The following ATF7IP variants were observed in gnomAD, a reference collection of about 807,000 sequenced individuals.
The protein encoded by ATF7IP is activating transcription factor 7-interacting protein 1.
A neutral mutation model predicts 106.4 loss-of-function variants in ATF7IP; 23 were observed. That is an observed-to-expected ratio of 0.22 (90% CI 0.16 to 0.31). The LOEUF (loss-of-function observed/expected upper bound fraction) is 0.31, where lower values mean the gene tolerates loss of function less well. Among genes scored for constraint, ATF7IP ranks in the 10% least tolerant of loss-of-function variants. The pLI is 1.00. For synonymous variants in ATF7IP, 542 were observed against 539.0 expected, an observed-to-expected ratio of 1.01 and a Z score of -0.08; for missense variants, 1,334 against 1,524.3, an observed-to-expected ratio of 0.88 and a Z score of 2.08.
intron 1 of ATF7IP, among the ~76,000 whole-genome samples, chr12:14,378,691 G>T (rs1186567319): frequency 6.6e-6 from 1 of 152,112 alleles, no homozygotes; most frequent in Non-Finnish European, 1.5e-5. Flanking sequence ...TACTTACACA[G>T]AATTGACTGG....
At chr12:14,494,333 A>ATATGTGTGTGTGTGTGTGTGTGTGTG (rs1234871100) in intron 13 of ATF7IP, among the ~76,000 whole-genome samples, 1 of 86,036 alleles carries the variant, frequency 1.2e-5, no homozygotes, top group African/African-American at 4.5e-5. Context: ...ATATATATAT[A>ATATGTGTGTGTGTGTGTGTGTGTGTG]TGTGTGTGTG....
intron 9 of ATF7IP, among the ~76,000 whole-genome samples, chr12:14,461,743 A>G (rs1943645792): frequency 6.6e-6 from 1 of 152,006 alleles, no homozygotes; most frequent in Non-Finnish European, 1.5e-5. Flanking sequence ...AATCTGCCAA[A>G]CTCTGTGTCT....
intron 1 of ATF7IP, among the ~76,000 whole-genome samples, chr12:14,380,269 T>G (rs1452952389): frequency 6.6e-6 from 1 of 152,158 alleles, no homozygotes. Flanking sequence ...GTATTTTTTT[T>G]GTTTTTGTTT....
At position 14,478,338 on chromosome 12, in the gene ATF7IP, C is replaced by T. The variant is rs776334360; in HGVS notation, c.2963C>T (p.Thr988Ile). The change falls in exon 12 of 15, where the codon ACT (threonine) becomes ATT (isoleucine). Residue 988 changes from threonine (T) to isoleucine (I), a missense_variant. Transcript: ENST00000261168. ...ASQDPKKLNH[T>I]PVSTMSSSQP... is the part of the protein sequence containing the mutation. The stretch of plus-strand genomic sequence containing the variant: ...ACAGACCCCAAAAAACTAAATCACA[C>T]TCCTGTATCAACCATGAGTTCTTCT... The T allele has an allele frequency of 6.2e-7, 1 of 1,613,988 alleles. No individual in the cohort carries two copies. Among genetic ancestry groups the T allele is most frequent in the South Asian group, 1.1e-5 (1 of 91,080 alleles).
intron 8 of ATF7IP, among the ~76,000 whole-genome samples, chr12:14,458,950 ATAT>A (rs891417528): frequency 2.6e-5 from 4 of 152,102 alleles, no homozygotes; most frequent in Admixed American, 2.6e-4. Flanking sequence ...TTATTAATAA[ATAT>A]TATTTTTAAA....
At chr12:14,484,105 T>A (rs1944511752) in intron 13 of ATF7IP, among the ~76,000 whole-genome samples, 1 of 152,128 alleles carries the variant, frequency 6.6e-6, no homozygotes, top group South Asian at 2.1e-4. Flanking sequence ...AGCTAGCTGA[T>A]CACCCCGAGG....
At chr12:14,491,534 G>A (rs538739676) in intron 13 of ATF7IP, among the ~76,000 whole-genome samples, 35 of 152,278 alleles carry the variant, frequency 2.3e-4, no homozygotes, top group African/African-American at 7.9e-4. Flanking sequence ...TCAGAATAAT[G>A]TCATCAACGT....
chr12:14,486,474 G>A (rs1944618160), intron 13 of ATF7IP, among the ~76,000 whole-genome samples: 1 of 152,128 alleles, frequency 6.6e-6, no homozygotes, highest in African/African-American at 2.4e-5. Context: ...TCATTCAAGG[G>A]GTTCTTGGTC....
In ATF7IP at chr12:14,425,446, A is replaced by T. The variant is rs763253197; in HGVS notation, c.1531A>T (p.Ile511Leu). ...ISGEKDESEV[I>L]SQNETCSPAE... The stretch of plus-strand genomic sequence containing the variant: ...GGGTGAAAAAGATGAGTCTGAAGTT[A>T]TATCGCAAAATGAAACGTGCTCTCC... Residue 511 changes from isoleucine (I) to leucine (L), a missense_variant, in exon 2 of 15, where the codon ATA (isoleucine) becomes TTA (leucine). Ile to Leu is a conservative substitution (Grantham distance 5). Around this residue, in one of 10 missense-constraint regions of ATF7IP, gnomAD observed 119 missense variants for 117.8 expected, o/e 1.01. Coordinates refer to ENST00000261168, the MANE Select transcript of ATF7IP (RefSeq NM_018179.5). The T allele has an allele frequency of 6.4e-7, 1 of 1,561,758 alleles. No homozygotes were observed. The highest frequency in any genetic ancestry group is 8.6e-7 in the Non-Finnish European group (1 of 1,158,416).
intron 5 of ATF7IP, among the ~76,000 whole-genome samples, chr12:14,443,538 T>G (rs1332461638): frequency 1.3e-5 from 2 of 152,194 alleles, no homozygotes; most frequent in Non-Finnish European, 2.9e-5. Context: ...TTTGTTAAAA[T>G]TCACTGGTCA....
At chr12:14,393,560 A>T (rs1939691059) in intron 1 of ATF7IP, among the ~76,000 whole-genome samples, 1 of 152,202 alleles carries the variant, frequency 6.6e-6, no homozygotes, top group Non-Finnish European at 1.5e-5. Flanking sequence ...TGCTATTGAT[A>T]AATGATAACT....
rs1203192969 is a variant in ATF7IP at position 14,502,666 on chromosome 12, C to CTAAT, written c.*4595_*4598dup. ...AAATCCTTTGTAAGAAACTTGCATCCTAATTTTTCTTTATTGCAATTGAAA... is the reference window on the plus strand; with the variant it reads ...AAATCCTTTGTAAGAAACTTGCATCCTAATTAATTTTTCTTTATTGCAATTGAAA... On this transcript the variant is annotated 3_prime_UTR_variant, in exon 15 of 15. Coordinates refer to ENST00000261168, the MANE Select transcript of ATF7IP (RefSeq NM_018179.5). 2 of 152,034 alleles carry CTAAT rather than the reference C, an allele frequency of 1.3e-5. No homozygotes were observed. Among genetic ancestry groups the CTAAT allele is most frequent in the South Asian group, 4.1e-4 (2 of 4,824 alleles). The allele number at this position is 152,034 out of a possible 1,614,324, so 9.4% of individuals were successfully genotyped here.
chr12:14,375,244 A>G (rs1160805772), intron 1 of ATF7IP, among the ~76,000 whole-genome samples: 1 of 152,038 alleles, frequency 6.6e-6, no homozygotes, highest in Non-Finnish European at 1.5e-5. Flanking sequence ...TAATTTACTC[A>G]GATGGCAAAT....
At chr12:14,468,390 C>T (rs1943913174) in intron 10 of ATF7IP, among the ~76,000 whole-genome samples, 3 of 150,372 alleles carry the variant, frequency 2.0e-5, no homozygotes, top group African/African-American at 7.3e-5. Flanking sequence ...TCTATAATCC[C>T]GGCACTTTGG....
In ATF7IP at chr12:14,497,941, A is replaced by G. The variant is rs1190413692; in HGVS notation, c.3681A>G (p.Ala1227=). The stretch of plus-strand genomic sequence containing the variant: ...TCAAGGCACTTCCCTTGCCCATGGC[A>G]TGTACTCTCACCCAGTTTGTATCTG... The part of the protein sequence containing the change: ...GEVKALPLPM[A]CTLTQFVSGS... The change falls in exon 15 of 15, where the codon GCA becomes GCG. Residue 1227 remains alanine (A), a synonymous_variant. Coordinates refer to ENST00000261168, the MANE Select transcript of ATF7IP (RefSeq NM_018179.5). The G allele has an allele frequency of 1.9e-6, 3 of 1,614,208 alleles. No homozygotes were observed. The highest frequency in any genetic ancestry group is 2.2e-5 in the South Asian group (2 of 91,090).
chr12:14,444,581 G>A (rs1313979894), intron 5 of ATF7IP, among the ~76,000 whole-genome samples: 1 of 151,952 alleles, frequency 6.6e-6, no homozygotes, highest in Admixed American at 6.6e-5. Flanking sequence ...GACACAGTAT[G>A]GCAGATATTT....
chr12:14,478,217 AC>A, intron 11 of ATF7IP, 99 bp from the exon 12 acceptor site: 2 of 1,099,492 alleles, frequency 1.8e-6, no homozygotes. Context: ...TAAATGTGAC[AC>A]ACAAGTGGCA....
chr12:14,461,397 T>C (rs113276194), intron 9 of ATF7IP, among the ~76,000 whole-genome samples: 7,315 of 152,250 alleles, frequency 0.048, 190 homozygotes, highest in Non-Finnish European at 0.059. Flanking sequence ...ATTTTTAATT[T>C]ATGGCTTTGT....
At position 14,466,545 on chromosome 12, in the gene ATF7IP, A is replaced by C. The variant is rs953457553; in HGVS notation, c.2817A>C (p.Thr939=). 2.0e-5 allele frequency: 32 copies of C among 1,603,328 alleles called. No individual in the cohort carries two copies. The highest frequency in any genetic ancestry group is 2.7e-5 in the Non-Finnish European group (32 of 1,176,824). The change falls in exon 10 of 15, where the codon ACA becomes ACC. Residue 939 remains threonine, a synonymous_variant. Coordinates refer to ENST00000261168, the MANE Select transcript of ATF7IP (RefSeq NM_018179.5). The stretch of plus-strand genomic sequence containing the variant: ...TTTCAGAAAACCAGACAAACAAAAC[A>C]ATAGATGCTTCTGTCAGTAAGAAAG... ...TPRIENQTNK[T]IDASVSKKAA... is the part of the protein sequence containing the mutation.
Sources: allele counts gnomAD v4.1 joint callset (sites outside exome capture counted in the v4.1 genomes callset), GRCh38; gene constraint gnomAD v4.1.1; regional missense constraint gnomAD v4.1.1; transcripts MANE v1.5; gene names NCBI Gene and HGNC (gene_info 2026-07-23, HGNC 2026-07-21).